Variants in CA1 observed in about 807,000 individuals in gnomAD.
CA1 encodes the protein carbonic anhydrase 1.
Under a neutral mutation model 28.8 loss-of-function variants are expected in CA1, and 27 were observed. The observed-to-expected ratio is 0.94, with a 90% CI of 0.69 to 1.29. CA1 has a LOEUF of 1.29. Ranked by LOEUF, CA1 falls within the 50% of genes most tolerant of loss-of-function variation. The pLI, the probability that CA1 is intolerant of heterozygous loss-of-function variation, is 0.00. For synonymous variants in CA1, 121 were observed against 108.8 expected, an observed-to-expected ratio of 1.11 and a Z score of -0.70; for missense variants, 335 against 310.5, an observed-to-expected ratio of 1.08 and a Z score of -0.59.
At chr8:85,377,402 A>G (rs1564056227) in intron 1 of CA1, among the ~76,000 whole-genome samples, 1 of 152,100 alleles carries the variant, frequency 6.6e-6, no homozygotes, top group Non-Finnish European at 1.5e-5. Context: ...TGTAATTGAT[A>G]TAATATATAA....
At chr8:85,366,166 T>C (rs1048598136) in intron 1 of CA1, among the ~76,000 whole-genome samples, 25 of 17,294 alleles carry the variant, frequency 1.4e-3, no homozygotes, top group African/African-American at 3.5e-3. Flanking sequence ...TTTCTTCCCC[T>C]TTTTTTTTTT....
intron 1 of CA1, among the ~76,000 whole-genome samples, chr8:85,370,689 A>G (rs1396876646): frequency 6.6e-6 from 1 of 152,182 alleles, no homozygotes; most frequent in Non-Finnish European, 1.5e-5. Flanking sequence ...AACCTGTAGT[A>G]TAAGTATGTA....
chr8:85,332,670 T>C, intron 5 of CA1, 118 bp from the exon 6 acceptor site: 1 of 757,830 alleles, frequency 1.3e-6, no homozygotes, highest in East Asian at 2.7e-5. Flanking sequence ...ATTTTCTCTC[T>C]GCTTTAGAAG....
rs1306982354 is a variant in CA1 at position 85,329,964 on chromosome 8, G to A, written c.514-120C>T. ...TTAGAGATTTTAGCTAAGAGTCATT[G>A]ATTTTTCTACTATTTAGTATTTCAT... is the stretch of plus-strand genomic sequence containing the variant. On this transcript the variant is annotated intron_variant, in intron 6 of 7. Coordinates refer to ENST00000523022, the MANE Select transcript of CA1 (RefSeq NM_001128831.4). 12 of 840,954 alleles carry A rather than the reference G, an allele frequency of 1.4e-5. No homozygotes were observed. In the South Asian group the frequency reaches 1.6e-4, roughly 11 times the overall value. 52.1% of individuals were successfully genotyped at this position (840,954 alleles called of 1,614,324 possible).
Position 85,333,612 on chromosome 8 carries a change from T to G in CA1, c.363A>C (p.Val121=). Residue 121 remains valine, a synonymous_variant, in exon 5 of 8, where the codon GTA becomes GTC. Transcript: ENST00000523022. ...DGVKYSAELH[V]AHWNSAKYSS... The stretch of plus-strand genomic sequence containing the variant: ...AGTACTTTGCAGAATTCCAGTGAGC[T>G]ACGTGAAGCTAAAAATGATACTATG... 6.2e-7 allele frequency: 1 copy of G among 1,602,542 alleles called. No individual in the cohort carries two copies. The highest frequency in any genetic ancestry group is 1.1e-5 in the South Asian group (1 of 90,836).
At chr8:85,333,315 C>G (rs1479949521) in intron 5 of CA1, among the ~76,000 whole-genome samples, 1 of 152,164 alleles carries the variant, frequency 6.6e-6, no homozygotes, top group Non-Finnish European at 1.5e-5. Context: ...CTCACCTCCA[C>G]CTGAAACTCA....
chr8:85,329,646 T>A (rs1198751525), intron 7 of CA1, 43 bp downstream of exon 7: 1 of 1,526,728 alleles, frequency 6.5e-7, no homozygotes, highest in East Asian at 2.3e-5. Context: ...TAAAGTAATA[T>A]TCCTGCTACG....
chr8:85,350,389 C>T (rs990619146), intron 1 of CA1, among the ~76,000 whole-genome samples: 1 of 152,168 alleles, frequency 6.6e-6, no homozygotes, highest in Non-Finnish European at 1.5e-5. Flanking sequence ...CATTTCAAAA[C>T]CCCAGGGTTA....
intron 6 of CA1, 50 bp downstream of exon 6, chr8:85,332,440 A>T (rs1808444536): frequency 7.3e-7 from 1 of 1,377,414 alleles, no homozygotes; most frequent in Non-Finnish European, 1.0e-6. Flanking sequence ...ATTTCCATAG[A>T]TCTGTAAATT....
chr8:85,334,316 C>T (rs1240362497), intron 4 of CA1, among the ~76,000 whole-genome samples: 1 of 152,158 alleles, frequency 6.6e-6, no homozygotes, highest in African/African-American at 2.4e-5. Flanking sequence ...TCATTTCTTG[C>T]TTTCCCCACC....
At chr8:85,342,669 A>T (rs971396259) in intron 1 of CA1, 1 of 152,268 alleles carries the variant, frequency 6.6e-6, no homozygotes, top group Non-Finnish European at 1.5e-5. Flanking sequence ...ACTGATTAGG[A>T]TGTGCCAGAC....
intron 1 of CA1, among the ~76,000 whole-genome samples, chr8:85,350,888 C>T (rs928849902): frequency 3.3e-5 from 5 of 152,152 alleles, no homozygotes; most frequent in African/African-American, 1.2e-4. Context: ...GCAATGTTCT[C>T]AATTCCTCCT....
chr8:85,344,099 ACTTTTAAATTT>A (rs1473480650), intron 1 of CA1, among the ~76,000 whole-genome samples: 1 of 139,854 alleles, frequency 7.2e-6, no homozygotes, highest in East Asian at 2.0e-4. Flanking sequence ...ATATATATAT[ACTTTTAAATTT>A]TATATATATA....
At chr8:85,349,505 C>T (rs1809324694) in intron 1 of CA1, among the ~76,000 whole-genome samples, 1 of 152,122 alleles carries the variant, frequency 6.6e-6, no homozygotes, top group South Asian at 2.1e-4. Context: ...ACTATTACCT[C>T]ACAACAGTCA....
Position 85,378,071 on chromosome 8 carries a change from C to G in CA1, c.-50G>C, listed in dbSNP as rs1810484170. The G allele has an allele frequency of 1.3e-5, 2 of 152,154 alleles. No individual in the cohort carries two copies. The allele number at this position is 152,154 out of a possible 1,614,324, so 9.4% of individuals were successfully genotyped here. ...AGCTCTGAATGAGAGAAGGCTGCCA[C>G]AGAGGACCACGCAGGGGGTTGCACC... On this transcript the variant is annotated 5_prime_UTR_variant, in exon 1 of 8. Coordinates refer to ENST00000523022, the MANE Select transcript of CA1 (RefSeq NM_001128831.4).
At chr8:85,341,426 C>T in intron 2 of CA1, 173 bp downstream of exon 2, 1 of 546,452 alleles carries the variant, frequency 1.8e-6, no homozygotes, top group Non-Finnish European at 3.3e-6. Context: ...TTGTAGTCAG[C>T]CATGCCCCAA....
rs77356524 is a variant in CA1 at position 85,329,639 on chromosome 8, A to G, written c.669+50T>C. 9.7e-4 allele frequency: 1,423 copies of G among 1,473,120 alleles called. 20 individuals carry two copies. The East Asian group carries it at 0.028, about 29-fold the overall frequency. The allele number at this position is 1,473,120 out of a possible 1,614,324, so 91.3% of individuals were successfully genotyped here. A position where few individuals can be genotyped will look rare whatever the true frequency, so the allele number is the denominator to read the frequency against. ...CTCTCTCACTGATACTATCAATTAA[A>G]GTAATATTCCTGCTACGCATTCCCA... On this transcript the variant is annotated intron_variant, in intron 7 of 7. Transcript: ENST00000523022.
intron 7 of CA1, 124 bp downstream of exon 7, chr8:85,329,565 A>C (rs1445129347): frequency 8.2e-6 from 7 of 858,148 alleles, no homozygotes; most frequent in Non-Finnish European, 1.1e-5. Flanking sequence ...TAATATTTTT[A>C]AGTTGGGAGG....
At chr8:85,343,464 G>T (rs561890313) in intron 1 of CA1, among the ~76,000 whole-genome samples, 22 of 152,148 alleles carry the variant, frequency 1.4e-4, no homozygotes, top group Non-Finnish European at 2.9e-4. Flanking sequence ...AGGTGATGTA[G>T]CTTGGTTTGG....
Sources: gnomAD v4.1 joint callset for allele counts (sites outside exome capture counted in the v4.1 genomes callset) on GRCh38, gnomAD v4.1.1 for gene constraint, MANE v1.5 for transcripts, NCBI Gene and HGNC (gene_info 2026-07-23, HGNC 2026-07-21) for gene names.